Variants in USP15 observed in about 807,000 individuals in gnomAD.
USP15 encodes the protein ubiquitin specific peptidase 15, also known as ubiquitin carboxyl-terminal hydrolase 15.
In USP15, 18 loss-of-function variants were observed where a neutral mutation model predicts 127.1. The ratio of observed to expected loss-of-function variants is 0.14; its 90% CI spans 0.10 to 0.21. The LOEUF (loss-of-function observed/expected upper bound fraction) is 0.21, where lower values mean the gene tolerates loss of function less well. Ranked by LOEUF, USP15 falls within the 10% of genes least tolerant of loss-of-function variation. USP15 has a pLI of 1.00. For synonymous variants in USP15, 364 were observed against 393.7 expected (o/e 0.92, Z 0.89); for missense variants, 805 against 1,159.9 (o/e 0.69, Z 4.44).
chr12:62,304,735 C>A, intron 3 of USP15: 1 of 448,428 alleles, frequency 2.2e-6, no homozygotes, highest in Middle Eastern at 3.3e-4. Flanking sequence ...ACGATGGAAT[C>A]AAAATCCAAG....
In USP15 at chr12:62,314,895, T is replaced by C. The variant is rs1323367828; in HGVS notation, c.454T>C (p.Phe152Leu). ...GNMNNVVTRR[F>L]SKADTIDTIE... Reference sequence around the variant, plus strand: ...CATGAATAATGTTGTAACTCGAAGATTTAGCAAAGCTGACACAATAGGTAA... The same window carrying C: ...CATGAATAATGTTGTAACTCGAAGACTTAGCAAAGCTGACACAATAGGTAA... Residue 152 changes from phenylalanine to leucine, a missense_variant, in exon 4 of 22, where the codon TTT (phenylalanine) becomes CTT (leucine). Coordinates refer to ENST00000280377, the MANE Select transcript of USP15 (RefSeq NM_001252078.2). 2 of 1,586,790 alleles carry C rather than the reference T, an allele frequency of 1.3e-6. No individual in the cohort carries two copies. The highest frequency in any genetic ancestry group is 1.7e-6 in the Non-Finnish European group (2 of 1,166,818).
At chr12:62,333,956 C>CA (rs1001396899) in intron 6 of USP15, 3 of 152,150 alleles carry the variant, frequency 2.0e-5, no homozygotes, top group East Asian at 1.9e-4. Context: ...CTGATTAAAA[C>CA]AAAAAATCCC....
chr12:62,276,108 G>A (rs1048195214), intron 1 of USP15, among the ~76,000 whole-genome samples: 4 of 152,038 alleles, frequency 2.6e-5, no homozygotes, highest in African/African-American at 7.2e-5. Context: ...TAATGACCAG[G>A]TATGAGGCAC....
At chr12:62,334,463 CTCT>C (rs1189815527) in intron 6 of USP15, among the ~76,000 whole-genome samples, 4 of 152,140 alleles carry the variant, frequency 2.6e-5, no homozygotes, top group Non-Finnish European at 5.9e-5. Context: ...TACTTAAACT[CTCT>C]TTTGTGTATC....
intron 2 of USP15, 32 bp from the exon 3 acceptor site, chr12:62,302,758 G>C: frequency 6.3e-7 from 1 of 1,587,154 alleles, no homozygotes; most frequent in Non-Finnish European, 8.6e-7. Flanking sequence ...AGTATTTAGA[G>C]TTAGGTATTG....
At chr12:62,310,600 A>G (rs1337194977) in intron 3 of USP15, among the ~76,000 whole-genome samples, 2 of 151,884 alleles carry the variant, frequency 1.3e-5, no homozygotes, top group African/African-American at 4.8e-5. Flanking sequence ...CATTGTTTAT[A>G]TATATATACA....
intron 6 of USP15, among the ~76,000 whole-genome samples, chr12:62,338,205 G>A (rs984860709): frequency 2.6e-5 from 4 of 152,076 alleles, no homozygotes; most frequent in Non-Finnish European, 5.9e-5. Context: ...TCATCGTGGT[G>A]TGATTTGCAT....
intron 5 of USP15, among the ~76,000 whole-genome samples, chr12:62,322,449 T>G (rs1453567883): frequency 1.3e-5 from 2 of 152,160 alleles, no homozygotes; most frequent in Non-Finnish European, 2.9e-5. Flanking sequence ...ATTTTTTTAA[T>G]AAAGTATTGA....
intron 8 of USP15, among the ~76,000 whole-genome samples, chr12:62,361,235 A>G (rs2066305171): frequency 6.6e-6 from 1 of 152,068 alleles, no homozygotes. Flanking sequence ...GCTAATAATG[A>G]TTTGTTATGA....
chr12:62,287,817 A>G (rs1048587669), intron 1 of USP15, among the ~76,000 whole-genome samples: 2 of 152,140 alleles, frequency 1.3e-5, no homozygotes, highest in Non-Finnish European at 2.9e-5. Flanking sequence ...GTGGCAATCC[A>G]GTTTTCCCTG....
chr12:62,374,344 A>C, intron 8 of USP15: 2 of 978,830 alleles, frequency 2.0e-6, no homozygotes, highest in South Asian at 9.5e-5. Context: ...ACAACTCAAA[A>C]GCTTTAGGTA....
intron 2 of USP15, among the ~76,000 whole-genome samples, chr12:62,295,718 G>C (rs745695237): frequency 2.0e-4 from 30 of 152,274 alleles, no homozygotes; most frequent in Non-Finnish European, 4.1e-4. Context: ...GGTGAGACTA[G>C]ATTAAAAAGT....
At chr12:62,368,472 G>C (rs1249088411) in intron 8 of USP15, among the ~76,000 whole-genome samples, 2 of 152,140 alleles carry the variant, frequency 1.3e-5, no homozygotes. Context: ...CTAAGAACTT[G>C]CTTTATGAAT....
At chr12:62,335,054 C>G (rs904609197) in intron 6 of USP15, 13 of 957,562 alleles carry the variant, frequency 1.4e-5, no homozygotes, top group Non-Finnish European at 2.0e-5. Flanking sequence ...TCTGAGGGCA[C>G]GATATGTTAC....
intron 11 of USP15, 86 bp from the exon 12 acceptor site, chr12:62,389,345 G>A (rs2067251476): frequency 8.9e-7 from 1 of 1,118,276 alleles, no homozygotes; most frequent in Non-Finnish European, 1.3e-6. Context: ...CCAAATGAAT[G>A]TGAGATAGCA....
rs963246571 is a variant in USP15, at chr12:62,416,296, A to G, written c.*11921A>G. 1 of 152,186 alleles carries G rather than the reference A, an allele frequency of 6.6e-6. No homozygotes were observed. Among genetic ancestry groups the G allele is most frequent in the Non-Finnish European group, 1.5e-5 (1 of 68,042 alleles). 9.4% of individuals were successfully genotyped at this position (152,186 alleles called of 1,614,324 possible). A position where few individuals can be genotyped will look rare whatever the true frequency, so the allele number is the denominator to read the frequency against. On this transcript the variant is annotated 3_prime_UTR_variant, in exon 22 of 22. Coordinates refer to ENST00000280377, the MANE Select transcript of USP15 (RefSeq NM_001252078.2). ...TCTTCCCCCACTAGACAATTACCTG[A>G]TGGAAGAATATTGTTCTTAAGATGT... is the stretch of plus-strand genomic sequence containing the variant.
intron 4 of USP15, among the ~76,000 whole-genome samples, chr12:62,319,652 C>G (rs1481578101): frequency 6.6e-6 from 1 of 152,108 alleles, no homozygotes; most frequent in East Asian, 1.9e-4. Context: ...GCGTTACTAC[C>G]CCTATGCCTG....
chr12:62,324,158 A>T (rs1428581036), intron 5 of USP15, among the ~76,000 whole-genome samples: 1 of 151,952 alleles, frequency 6.6e-6, no homozygotes, highest in Non-Finnish European at 1.5e-5. Flanking sequence ...AAATATTTTT[A>T]TTTGGAGTTA....
chr12:62,321,428 A>G (rs763349148), intron 4 of USP15, 36 bp from the exon 5 acceptor site: 36 of 1,362,050 alleles, frequency 2.6e-5, no homozygotes, highest in East Asian at 1.3e-4. Flanking sequence ...TTTGAAATAC[A>G]TACTATATTT....
Sources: allele counts gnomAD v4.1 joint callset (sites outside exome capture counted in the v4.1 genomes callset), GRCh38; gene constraint gnomAD v4.1.1; transcripts MANE v1.5; gene names NCBI Gene and HGNC (gene_info 2026-07-23, HGNC 2026-07-21).